Variants in METTL15 observed in about 807,000 individuals in gnomAD.
METTL15 encodes methyltransferase 15, mitochondrial 12S rRNA N4-cytidine.
A neutral mutation model predicts 38.3 loss-of-function variants in METTL15; 34 were observed. That is an observed-to-expected ratio of 0.89 (90% CI 0.68 to 1.18). The LOEUF (loss-of-function observed/expected upper bound fraction) is 1.18. Among genes scored for constraint, METTL15 ranks in the 50% most tolerant of loss-of-function variants. The pLI, the probability that METTL15 is intolerant of heterozygous loss-of-function variation, is 0.00. For synonymous variants in METTL15, 162 were observed against 170.9 expected, an observed-to-expected ratio of 0.95 and a Z score of 0.41; for missense variants, 438 against 498.4, an observed-to-expected ratio of 0.88 and a Z score of 1.15.
intron 6 of METTL15, among the ~76,000 whole-genome samples, chr11:28,525,964 C>A (rs1402481589): frequency 6.6e-6 from 1 of 152,208 alleles, no homozygotes; most frequent in Admixed American, 6.5e-5. Context: ...GCAGCTAAGG[C>A]CCGGCGAGAA....
At chr11:28,189,354 C>T (rs1305738047) in intron 3 of METTL15, among the ~76,000 whole-genome samples, 1 of 151,158 alleles carries the variant, frequency 6.6e-6, no homozygotes, top group Admixed American at 6.6e-5. Flanking sequence ...AAGAATGGAA[C>T]AAAGCCTACA....
chr11:28,433,915 T>C (rs1850958734), intron 6 of METTL15, among the ~76,000 whole-genome samples: 1 of 152,180 alleles, frequency 6.6e-6, no homozygotes, highest in Non-Finnish European at 1.5e-5. Context: ...TGAAGCATTA[T>C]CTAATTATCA....
At chr11:28,439,501 G>A (rs1851015574) in intron 6 of METTL15, among the ~76,000 whole-genome samples, 1 of 152,208 alleles carries the variant, frequency 6.6e-6, no homozygotes, top group African/African-American at 2.4e-5. Context: ...TGTCTGTTGA[G>A]TATCTTGTCT....
chr11:28,442,509 AC>A (rs1293469085), intron 6 of METTL15, among the ~76,000 whole-genome samples: 1 of 152,160 alleles, frequency 6.6e-6, no homozygotes, highest in African/African-American at 2.4e-5. Context: ...ACACGTATAC[AC>A]AGAATTTAGC....
At chr11:28,348,098 C>T (rs1850010909) in intron 3 of METTL15, among the ~76,000 whole-genome samples, 1 of 152,166 alleles carries the variant, frequency 6.6e-6, no homozygotes, top group Non-Finnish European at 1.5e-5. Flanking sequence ...GTTTCAATCA[C>T]TTGATTAAGA....
At chr11:28,413,307 T>G (rs1174679594) in intron 5 of METTL15, among the ~76,000 whole-genome samples, 1 of 152,106 alleles carries the variant, frequency 6.6e-6, no homozygotes, top group Non-Finnish European at 1.5e-5. Context: ...AAAATGATAG[T>G]ATTCCTTCCC....
In METTL15 at chr11:28,268,686, T is replaced by C. The variant is rs965917349; in HGVS notation, c.408-21520T>C. Among the ~76,000 whole-genome samples, 5 of 152,218 alleles carry C rather than the reference T, an allele frequency of 3.3e-5. No individual in the cohort carries two copies. In the East Asian group the frequency reaches 9.6e-4, roughly 29 times the overall value. Reference sequence around the variant, plus strand: ...TAAATTTATATGTTTATTTGAGAAATATCCTTTCTGAAAAATGATGGATAT... The same window carrying C: ...TAAATTTATATGTTTATTTGAGAAACATCCTTTCTGAAAAATGATGGATAT... On this transcript the variant is annotated intron_variant, in intron 4 of 6. Transcript: ENST00000407364.
chr11:28,171,712 C>G (rs370627540), intron 3 of METTL15, among the ~76,000 whole-genome samples: 1 of 151,964 alleles, frequency 6.6e-6, no homozygotes, highest in East Asian at 1.9e-4. Context: ...TTGATACTTT[C>G]ATAATTTGAG....
intron 5 of METTL15, among the ~76,000 whole-genome samples, chr11:28,395,824 G>A (rs1032706977): frequency 1.3e-5 from 2 of 152,150 alleles, no homozygotes; most frequent in African/African-American, 4.8e-5. Context: ...TATCCCTGAT[G>A]AACATCGATG....
At chr11:28,355,183 C>T (rs1469143156) in intron 4 of METTL15, among the ~76,000 whole-genome samples, 1 of 152,212 alleles carries the variant, frequency 6.6e-6, no homozygotes, top group Non-Finnish European at 1.5e-5. Context: ...CTTGTATTAA[C>T]TGTTTTCAGC....
intron 6 of METTL15, among the ~76,000 whole-genome samples, chr11:28,461,565 G>A (rs1351582368): frequency 6.6e-6 from 1 of 151,980 alleles, no homozygotes; most frequent in Non-Finnish European, 1.5e-5. Context: ...AAAGATAGAG[G>A]CCAAGGAAGT....
At chr11:28,144,142 A>G (rs186889785) in intron 3 of METTL15, among the ~76,000 whole-genome samples, 2 of 152,270 alleles carry the variant, frequency 1.3e-5, no homozygotes, top group East Asian at 3.9e-4. Flanking sequence ...GTGGATTGCA[A>G]TAAGCATTTG....
chr11:28,156,367 A>T (rs1432213949), intron 3 of METTL15, among the ~76,000 whole-genome samples: 5 of 152,186 alleles, frequency 3.3e-5, no homozygotes, highest in African/African-American at 1.2e-4. Context: ...AATGCATTTC[A>T]TGTTTTTGAG....
At chr11:28,173,346 G>T (rs1850929843) in intron 3 of METTL15, among the ~76,000 whole-genome samples, 2 of 152,110 alleles carry the variant, frequency 1.3e-5, no homozygotes, top group African/African-American at 4.8e-5. Context: ...GAGCTTATTT[G>T]TCTCTTATAC....
At chr11:28,284,599 G>T (rs529008031) in intron 4 of METTL15, among the ~76,000 whole-genome samples, 1 of 152,124 alleles carries the variant, frequency 6.6e-6, no homozygotes, top group Non-Finnish European at 1.5e-5. Flanking sequence ...ACAGTATGGA[G>T]GAAATAGGCT....
At chr11:28,173,468 A>G (rs1283630835) in intron 3 of METTL15, among the ~76,000 whole-genome samples, 1 of 152,234 alleles carries the variant, frequency 6.6e-6, no homozygotes, top group Non-Finnish European at 1.5e-5. Flanking sequence ...CAGAACTGCA[A>G]GAAATAAATT....
intron 6 of METTL15, among the ~76,000 whole-genome samples, chr11:28,516,235 G>T (rs982546943): frequency 6.6e-6 from 1 of 152,182 alleles, no homozygotes; most frequent in Non-Finnish European, 1.5e-5. Context: ...TTGGTACAGT[G>T]CTGCCCTAGA....
Position 28,285,805 on chromosome 11 carries a change from CCTT to C in METTL15, c.408-4397_408-4395del, listed in dbSNP as rs751249349. On this transcript the variant is annotated intron_variant, in intron 4 of 6. Coordinates refer to ENST00000407364, the MANE Select transcript of METTL15 (RefSeq NM_001113528.2). Reference sequence around the variant, plus strand: ...TCATATCAAGCAAGTGTTAGAAAAACCTTCTTTCCCCAGTAGCTCGATGGAAAA... The same window carrying C: ...TCATATCAAGCAAGTGTTAGAAAAACCTTTCCCCAGTAGCTCGATGGAAAA... Among the ~76,000 whole-genome samples, 5 of 152,168 alleles carry C rather than the reference CCTT, an allele frequency of 3.3e-5. No homozygotes were observed. The South Asian group carries it at 8.3e-4, about 25-fold the overall frequency.
At chr11:28,249,866 A>C (rs1401949655) in intron 4 of METTL15, among the ~76,000 whole-genome samples, 1 of 151,756 alleles carries the variant, frequency 6.6e-6, no homozygotes, top group Admixed American at 6.6e-5. Context: ...TTTTCTATCC[A>C]CACCTTCCTC....
Sources: allele counts gnomAD v4.1 joint callset (sites outside exome capture counted in the v4.1 genomes callset), GRCh38; gene constraint gnomAD v4.1.1; transcripts MANE v1.5; gene names NCBI Gene and HGNC (gene_info 2026-07-23, HGNC 2026-07-21).